DYNC2I1: variants seen among roughly 807,000 people sequenced by gnomAD.
The protein encoded by DYNC2I1 is dynein 2 intermediate chain 1, also known as cytoplasmic dynein 2 intermediate chain 1.
DYNC2I1 carries 89 observed loss-of-function variants against 133.4 expected under a neutral mutation model. The observed-to-expected ratio is 0.67, with a 90% CI of 0.56 to 0.80. The LOEUF is 0.80. DYNC2I1 is among the 30% of genes least tolerant of loss of function. The pLI is 0.00. For synonymous variants in DYNC2I1, 504 were observed against 484.3 expected, an observed-to-expected ratio of 1.04 and a Z score of -0.54; for missense variants, 1,291 against 1,314.5, an observed-to-expected ratio of 0.98 and a Z score of 0.28.
intron 14 of DYNC2I1, among the ~76,000 whole-genome samples, chr7:158,915,424 G>A (rs112283091): frequency 0.014 from 954 of 68,732 alleles, no homozygotes; most frequent in Middle Eastern, 0.022. Flanking sequence ...GTGAAACGTC[G>A]ACACGCTGGT....
intron 8 of DYNC2I1, among the ~76,000 whole-genome samples, chr7:158,896,887 A>G (rs1259294752): frequency 1.3e-5 from 2 of 148,976 alleles, no homozygotes; most frequent in Non-Finnish European, 3.0e-5. Flanking sequence ...TTTTCTTGTA[A>G]TATCTTTGTC....
At chr7:158,870,990 C>A (rs183001535) in intron 2 of DYNC2I1, among the ~76,000 whole-genome samples, 152 bp from the exon 3 acceptor site, 6 of 152,220 alleles carry the variant, frequency 3.9e-5, no homozygotes, top group Middle Eastern at 6.8e-3. Flanking sequence ...GGCTTTGGCC[C>A]GTCTGGGATT....
intron 21 of DYNC2I1, 43 bp downstream of exon 21, chr7:158,930,558 A>G (rs1389208123): frequency 1.9e-6 from 3 of 1,556,228 alleles, no homozygotes; most frequent in Admixed American, 1.8e-5. Context: ...ACAAAGACCT[A>G]GAAGGAAAAT....
At chr7:158,860,334 C>G (rs1235862227) in intron 1 of DYNC2I1, among the ~76,000 whole-genome samples, 7 of 152,238 alleles carry the variant, frequency 4.6e-5, no homozygotes, top group Non-Finnish European at 8.8e-5. Flanking sequence ...GCTGGGATTA[C>G]AGGCGTGAGC....
chr7:158,868,398 G>A (rs1350823551), intron 1 of DYNC2I1, among the ~76,000 whole-genome samples: 3 of 152,202 alleles, frequency 2.0e-5, no homozygotes, highest in South Asian at 2.1e-4. Flanking sequence ...CTTCCTTTCC[G>A]GAAGGTGAGG....
intron 1 of DYNC2I1, among the ~76,000 whole-genome samples, chr7:158,857,472 C>G (rs983447188): frequency 1.3e-5 from 2 of 151,740 alleles, no homozygotes; most frequent in Admixed American, 1.3e-4. Context: ...TTTTCCCCAT[C>G]ACTTACCTTT....
At chr7:158,862,718 C>T (rs1389308207) in intron 1 of DYNC2I1, among the ~76,000 whole-genome samples, 3 of 151,974 alleles carry the variant, frequency 2.0e-5, no homozygotes, top group African/African-American at 4.8e-5. Context: ...TTCTTGGTCT[C>T]GCTGACTTCA....
intron 4 of DYNC2I1, among the ~76,000 whole-genome samples, chr7:158,877,199 G>A (rs571173505): frequency 6.7e-6 from 1 of 149,998 alleles, no homozygotes; most frequent in Non-Finnish European, 1.5e-5. Flanking sequence ...GGTGTTCCGC[G>A]GTGCGGGTGT....
intron 21 of DYNC2I1, among the ~76,000 whole-genome samples, chr7:158,932,119 A>G (rs1310902148): frequency 1.3e-5 from 2 of 152,174 alleles, no homozygotes; most frequent in African/African-American, 4.8e-5. Context: ...GTCACTGAGC[A>G]TGAGTGTCCC....
chr7:158,899,112 A>G (rs1485794477), intron 8 of DYNC2I1, among the ~76,000 whole-genome samples: 1 of 152,240 alleles, frequency 6.6e-6, no homozygotes, highest in Non-Finnish European at 1.5e-5. Context: ...TAGGATTTGC[A>G]TATAACCTAT....
chr7:158,928,473 G>A (rs566349922), intron 20 of DYNC2I1, among the ~76,000 whole-genome samples: 6 of 152,318 alleles, frequency 3.9e-5, no homozygotes, highest in South Asian at 4.1e-4. Flanking sequence ...TCTGTGCCCC[G>A]TAGTCACACG....
intron 7 of DYNC2I1, among the ~76,000 whole-genome samples, chr7:158,889,194 C>T (rs1015669264): frequency 4.6e-5 from 7 of 151,848 alleles, no homozygotes; most frequent in African/African-American, 1.7e-4. Context: ...CATTCTCCTG[C>T]CTCAGCCTCC....
At chr7:158,948,372 C>A (rs778960588), downstream of DYNC2I1, among the ~76,000 whole-genome samples, 1 of 152,222 alleles carries the variant, frequency 6.6e-6, no homozygotes, top group Non-Finnish European at 1.5e-5. Flanking sequence ...TTCTCTTTTT[C>A]AGTCGTGTTT....
intron 6 of DYNC2I1, among the ~76,000 whole-genome samples, chr7:158,885,211 T>C (rs904248755): frequency 6.6e-6 from 1 of 151,774 alleles, no homozygotes. Flanking sequence ...GAGCTGGGGG[T>C]GGGGGTCAGC....
chr7:158,889,592 A>G (rs1426667254), intron 7 of DYNC2I1, among the ~76,000 whole-genome samples: 2 of 152,208 alleles, frequency 1.3e-5, no homozygotes, highest in Non-Finnish European at 2.9e-5. Context: ...AATGTGAGCC[A>G]CATTTATAAT....
intron 17 of DYNC2I1, among the ~76,000 whole-genome samples, chr7:158,924,493 A>G (rs10281870): frequency 0.16 from 23,711 of 152,246 alleles, 1,994 homozygotes; most frequent in African/African-American, 0.17. Context: ...TACATTGTAC[A>G]TAAGAGGGCC....
chr7:158,850,289 C>T, the DYNC2I1 span, among the ~76,000 whole-genome samples: 5 of 152,186 alleles, frequency 3.3e-5, no homozygotes, highest in Non-Finnish European at 7.4e-5. Flanking sequence ...AAGTGGGAGG[C>T]CCAGGTCTAC....
intron 1 of DYNC2I1, among the ~76,000 whole-genome samples, chr7:158,867,021 T>G (rs1842469776): frequency 6.7e-6 from 1 of 148,506 alleles, no homozygotes; most frequent in East Asian, 2.0e-4. Flanking sequence ...TAAATCTGTT[T>G]TTTTTTTTTT....
chr7:158,872,039 G>A (rs764681513), intron 3 of DYNC2I1, among the ~76,000 whole-genome samples: 3 of 152,118 alleles, frequency 2.0e-5, no homozygotes, highest in Non-Finnish European at 2.9e-5. Context: ...GTTCAGGCCA[G>A]GTGTGGTGGG....
Sources: gnomAD v4.1 joint callset for allele counts (sites outside exome capture counted in the v4.1 genomes callset) on GRCh38, gnomAD v4.1.1 for gene constraint, MANE v1.5 for transcripts, NCBI Gene and HGNC (gene_info 2026-07-23, HGNC 2026-07-21) for gene names.